The following FHOD3 variants were observed in gnomAD, a reference collection of about 807,000 sequenced individuals.
The protein encoded by FHOD3 is formin homology 2 domain containing 3.
FHOD3 carries 90 observed loss-of-function variants against 173.0 expected under a neutral mutation model. The ratio of observed to expected loss-of-function variants is 0.52; its 90% CI spans 0.44 to 0.62. FHOD3 has a LOEUF of 0.62. Among genes scored for constraint, FHOD3 ranks in the 20% least tolerant of loss-of-function variants. FHOD3 has a pLI of 0.00. For synonymous variants in FHOD3, 828 were observed against 823.0 expected, an observed-to-expected ratio of 1.01 and a Z score of -0.10; for missense variants, 1,945 against 2,034.7, an observed-to-expected ratio of 0.96 and a Z score of 0.85.
chr18:36,742,622 G>T, intron 21 of FHOD3, 115 bp from the exon 22 acceptor site: 1 of 1,151,656 alleles, frequency 8.7e-7, no homozygotes, highest in Non-Finnish European at 1.2e-6. Context: ...CATCGCGGGG[G>T]ATTGCCTTGT....
chr18:36,681,851 G>A (rs2038265025), intron 15 of FHOD3, among the ~76,000 whole-genome samples: 2 of 152,108 alleles, frequency 1.3e-5, no homozygotes, highest in African/African-American at 4.8e-5. Context: ...AGGCCCTCCG[G>A]ATGACAGAGA....
At chr18:36,776,199 T>G (rs2043638356) in intron 28 of FHOD3, among the ~76,000 whole-genome samples, 2 of 151,614 alleles carry the variant, frequency 1.3e-5, no homozygotes, top group African/African-American at 4.8e-5. Flanking sequence ...TTTTTTTTTT[T>G]GCTTTCTGGA....
At chr18:36,516,704 A>G (rs1410100858) in intron 5 of FHOD3, among the ~76,000 whole-genome samples, 3 of 152,190 alleles carry the variant, frequency 2.0e-5, no homozygotes, top group African/African-American at 7.2e-5. Flanking sequence ...TATTTGCACC[A>G]CTGCACTCCA....
At chr18:36,655,774 A>ACACACAC (rs1568559106) in intron 13 of FHOD3, among the ~76,000 whole-genome samples, 27 of 82,158 alleles carry the variant, frequency 3.3e-4, no homozygotes, top group African/African-American at 1.3e-3. Context: ...CACACACACA[A>ACACACAC]AAATGCTGAA....
At chr18:36,487,255 A>T (rs551063076) in intron 3 of FHOD3, among the ~76,000 whole-genome samples, 162 of 152,354 alleles carry the variant, frequency 1.1e-3, no homozygotes, top group Non-Finnish European at 1.9e-3. Context: ...AGCATCTCAC[A>T]TCCCACCAGC....
intron 9 of FHOD3, among the ~76,000 whole-genome samples, chr18:36,624,302 T>C (rs928875086): frequency 1.3e-5 from 2 of 152,170 alleles, no homozygotes; most frequent in African/African-American, 4.8e-5. Flanking sequence ...TTCTATTACC[T>C]TCATTTGGTG....
At chr18:36,457,187 A>G (rs1341692329) in intron 3 of FHOD3, among the ~76,000 whole-genome samples, 1 of 152,108 alleles carries the variant, frequency 6.6e-6, no homozygotes, top group Non-Finnish European at 1.5e-5. Flanking sequence ...CCTTGAGGAT[A>G]TTTTGCTGTG....
intron 3 of FHOD3, among the ~76,000 whole-genome samples, chr18:36,429,551 C>T (rs1470345142): frequency 1.3e-5 from 2 of 152,074 alleles, no homozygotes; most frequent in Non-Finnish European, 2.9e-5. Flanking sequence ...ATTCCTTTGC[C>T]ATGGGAGAAG....
intron 17 of FHOD3, among the ~76,000 whole-genome samples, chr18:36,703,754 G>T (rs1195405029): frequency 6.6e-6 from 1 of 152,212 alleles, no homozygotes; most frequent in Non-Finnish European, 1.5e-5. Context: ...GCTGGCCGAA[G>T]TCCTCAGGCC....
intron 1 of FHOD3, among the ~76,000 whole-genome samples, chr18:36,314,771 A>G (rs1317751318): frequency 6.6e-6 from 1 of 152,158 alleles, no homozygotes; most frequent in Non-Finnish European, 1.5e-5. Context: ...TCTATCTTTC[A>G]GCTCTGTTTC....
intron 1 of FHOD3, among the ~76,000 whole-genome samples, chr18:36,338,009 C>T (rs1022367328): frequency 1.3e-5 from 2 of 152,200 alleles, no homozygotes; most frequent in African/African-American, 4.8e-5. Context: ...CAGCTGATCA[C>T]TAAACCAGGG....
At chr18:36,616,081 T>TC (rs2033169241) in intron 9 of FHOD3, among the ~76,000 whole-genome samples, 1 of 152,192 alleles carries the variant, frequency 6.6e-6, no homozygotes, top group South Asian at 2.1e-4. Context: ...AAGGAGTATG[T>TC]TCTCATGGCT....
intron 14 of FHOD3, among the ~76,000 whole-genome samples, chr18:36,663,775 G>A (rs2036968095): frequency 6.6e-6 from 1 of 152,234 alleles, no homozygotes; most frequent in Non-Finnish European, 1.5e-5. Flanking sequence ...TTCTTCCAGT[G>A]ATGGCCTGCC....
chr18:36,663,272 A>G (rs930944138), intron 14 of FHOD3, among the ~76,000 whole-genome samples: 2 of 152,156 alleles, frequency 1.3e-5, no homozygotes, highest in South Asian at 2.1e-4. Context: ...GTATTGAATA[A>G]CCCTTTGTTT....
At chr18:36,395,938 A>G (rs1220895742) in intron 3 of FHOD3, among the ~76,000 whole-genome samples, 4 of 152,186 alleles carry the variant, frequency 2.6e-5, no homozygotes, top group African/African-American at 7.2e-5. Context: ...GAAGAGGGTA[A>G]GGAGTCAGAA....
rs1002488123 is a variant in FHOD3 at position 36,581,834 on chromosome 18, A to G, written c.606+5289A>G. On this transcript the variant is annotated intron_variant, in intron 6 of 28. Transcript: ENST00000590592. Reference sequence around the variant, plus strand: ...ACTGCAAAATGAAGAAAAAATAAGTAACGTGGTGTGTAGAATGGAGTGGTG... The same window carrying G: ...ACTGCAAAATGAAGAAAAAATAAGTGACGTGGTGTGTAGAATGGAGTGGTG... Among the ~76,000 whole-genome samples, 9 of 152,270 alleles carry G rather than the reference A, an allele frequency of 5.9e-5. No individual in the cohort carries two copies. The East Asian group carries it at 1.7e-3, about 29-fold the overall frequency.
At chr18:36,428,551 C>T (rs2050373364) in intron 3 of FHOD3, among the ~76,000 whole-genome samples, 1 of 151,992 alleles carries the variant, frequency 6.6e-6, no homozygotes, top group Non-Finnish European at 1.5e-5. Flanking sequence ...GAGGGTGGGG[C>T]TGGGGGCGGG....
chr18:36,443,633 G>A (rs2051280093), intron 3 of FHOD3, among the ~76,000 whole-genome samples: 1 of 152,134 alleles, frequency 6.6e-6, no homozygotes, highest in Admixed American at 6.5e-5. Context: ...AATGGAGAAC[G>A]GTGTTTAGAA....
chr18:36,533,208 C>T (rs946885938), intron 5 of FHOD3, among the ~76,000 whole-genome samples: 3 of 152,258 alleles, frequency 2.0e-5, no homozygotes, highest in African/African-American at 7.2e-5. Flanking sequence ...ACAGTTTCCT[C>T]ATCTGCAAAC....
Sources: gnomAD v4.1 joint callset for allele counts (sites outside exome capture counted in the v4.1 genomes callset) on GRCh38, gnomAD v4.1.1 for gene constraint, MANE v1.5 for transcripts, NCBI Gene and HGNC (gene_info 2026-07-23, HGNC 2026-07-21) for gene names.